The following ARMH4 variants were observed in gnomAD, a reference collection of about 807,000 sequenced individuals.
The protein encoded by ARMH4 is armadillo like helical domain containing 4.
A neutral mutation model predicts 61.9 loss-of-function variants in ARMH4; 49 were observed. The observed-to-expected ratio is 0.79, with a 90% CI of 0.63 to 1.00. The LOEUF is 1.00. Among genes scored for constraint, ARMH4 ranks in the 50% least tolerant of loss-of-function variants. The probability of loss-of-function intolerance (pLI) is 0.00; values close to 1 mark genes in which losing one functional copy is unlikely to be tolerated. For missense variants in ARMH4, 934 were observed against 930.0 expected (o/e 1.00, Z -0.06); for synonymous variants, 368 against 341.5 (o/e 1.08, Z -0.85).
At chr14:58,122,735 G>T (rs761233813) in intron 4 of ARMH4, among the ~76,000 whole-genome samples, 4 of 152,122 alleles carry the variant, frequency 2.6e-5, no homozygotes, top group Non-Finnish European at 4.4e-5. Context: ...CTTCCAGTGC[G>T]GTCTACCAGG....
At position 58,096,947 on chromosome 14, in the gene ARMH4, TTCTTCATCC is replaced by T. The variant is rs755924926; in HGVS notation, c.1857_1865del (p.Glu622_Glu624del). 7.4e-6 allele frequency: 12 copies of T among 1,613,666 alleles called. No individual in the cohort carries two copies. Among genetic ancestry groups the T allele is most frequent in the Non-Finnish European group, 1.0e-5 (12 of 1,179,722 alleles). ...CATCTTCCTCTTCTTCATCTTCATCTTCTTCATCCTCTTCATCCTCATCTTCTTGTCCCT... is the reference window on the plus strand; with the variant it reads ...CATCTTCCTCTTCTTCATCTTCATCTTCTTCATCCTCATCTTCTTGTCCCT... On this transcript the variant is annotated inframe_deletion, in exon 5 of 8. Coordinates refer to ENST00000267485, the MANE Select transcript of ARMH4 (RefSeq NM_001001872.4).
intron 5 of ARMH4, among the ~76,000 whole-genome samples, chr14:58,077,551 G>A (rs1040663108): frequency 1.2e-4 from 18 of 152,210 alleles, no homozygotes; most frequent in Admixed American, 9.8e-4. Context: ...AGGTTGTAAT[G>A]AGATGTGTTT....
chr14:58,132,963 G>A (rs1020428352), intron 3 of ARMH4, 127 bp downstream of exon 3: 1 of 916,232 alleles, frequency 1.1e-6, no homozygotes, highest in African/African-American at 1.7e-5. Flanking sequence ...AAAGGTGTGT[G>A]TGTGTGTGTA....
intron 5 of ARMH4, among the ~76,000 whole-genome samples, chr14:58,081,212 G>A (rs962823263): frequency 9.9e-5 from 15 of 152,024 alleles, no homozygotes; most frequent in African/African-American, 1.9e-4. Context: ...CCCTCAAAGC[G>A]TGATCCACAA....
Position 58,023,826 on chromosome 14 carries a change from C to T in ARMH4, c.2090-11676G>A, listed in dbSNP as rs1198708732. On this transcript the variant is annotated intron_variant, in intron 5 of 7. Coordinates refer to ENST00000267485, the MANE Select transcript of ARMH4 (RefSeq NM_001001872.4). The stretch of plus-strand genomic sequence containing the variant: ...TAGTAGGCATAAAAACAACATTAAT[C>T]TCCTTGTACATCTCCATCAGAGTTC... Among the ~76,000 whole-genome samples, 3 of 152,304 alleles carry T rather than the reference C, an allele frequency of 2.0e-5. No homozygotes were observed. The South Asian group carries it at 6.2e-4, about 32-fold the overall frequency.
chr14:58,027,704 T>C (rs1269231687), intron 5 of ARMH4, among the ~76,000 whole-genome samples: 1 of 152,178 alleles, frequency 6.6e-6, no homozygotes, highest in East Asian at 1.9e-4. Flanking sequence ...ATGTTAAGTG[T>C]TCCTACAACA....
intron 6 of ARMH4, 121 bp from the exon 7 acceptor site, chr14:58,005,303 T>A: frequency 7.7e-7 from 1 of 1,306,944 alleles, no homozygotes; most frequent in Non-Finnish European, 1.0e-6. Flanking sequence ...TGCTTTGTTG[T>A]AAGATAAAAC....
intron 4 of ARMH4, among the ~76,000 whole-genome samples, chr14:58,112,904 A>G (rs1231932436): frequency 6.6e-6 from 1 of 151,926 alleles, no homozygotes; most frequent in Admixed American, 6.6e-5. Context: ...TTAAATCTGG[A>G]TCTTCAGATT....
intron 5 of ARMH4, among the ~76,000 whole-genome samples, chr14:58,087,415 G>C (rs1334101924): frequency 6.6e-6 from 1 of 152,092 alleles, no homozygotes; most frequent in Middle Eastern, 3.2e-3. Flanking sequence ...TGAGTGCTCT[G>C]GACATACTAA....
At chr14:58,069,649 C>T (rs181946826) in intron 5 of ARMH4, among the ~76,000 whole-genome samples, 27 of 152,046 alleles carry the variant, frequency 1.8e-4, no homozygotes, top group Admixed American at 6.5e-4. Context: ...AGTATGCAGA[C>T]GGCAAGAGAA....
intron 4 of ARMH4, among the ~76,000 whole-genome samples, chr14:58,098,156 T>C (rs11622898): frequency 0.014 from 2,187 of 152,296 alleles, 22 homozygotes; most frequent in South Asian, 0.022. Context: ...CCAAGAATTG[T>C]GAGACTCTCC....
chr14:58,068,083 G>C (rs929074926), intron 5 of ARMH4, among the ~76,000 whole-genome samples: 1 of 152,184 alleles, frequency 6.6e-6, no homozygotes, highest in Non-Finnish European at 1.5e-5. Context: ...GGAAGCAAGA[G>C]TGTGAGTTAA....
chr14:58,005,294 G>A, intron 6 of ARMH4, 112 bp from the exon 7 acceptor site: 1 of 1,362,926 alleles, frequency 7.3e-7, no homozygotes, highest in South Asian at 1.3e-5. Context: ...TCTCCTGTCT[G>A]CTTTGTTGTA....
intron 5 of ARMH4, among the ~76,000 whole-genome samples, chr14:58,070,739 A>T (rs959864553): frequency 7.9e-5 from 12 of 152,224 alleles, no homozygotes; most frequent in Non-Finnish European, 1.5e-4. Flanking sequence ...AAGCTATTTT[A>T]AAATGTACGA....
chr14:58,146,572 A>G (rs768338254), intron 1 of ARMH4, among the ~76,000 whole-genome samples: 2 of 152,214 alleles, frequency 1.3e-5, no homozygotes, highest in East Asian at 1.9e-4. Context: ...TTCTGCCACC[A>G]GTGAGCAAGA....
In ARMH4 at chr14:58,096,828, G is replaced by A; in HGVS notation, c.1985C>T (p.Thr662Ile). The A allele has an allele frequency of 1.2e-6, 2 of 1,614,134 alleles. No individual in the cohort carries two copies. The highest frequency in any genetic ancestry group is 1.6e-4 in the Middle Eastern group (1 of 6,062). ...ELPGFTLPGI[T>I]SQEPGLEEGN... is the part of the protein sequence containing the mutation. Reference sequence around the variant, plus strand: ...CTCCTCTAAGCCTGGTTCCTGGGATGTGATACCAGGGAGGGTAAAACCTGG... The same window carrying A: ...CTCCTCTAAGCCTGGTTCCTGGGATATGATACCAGGGAGGGTAAAACCTGG... The change falls in exon 5 of 8, where the codon ACA becomes ATA. Residue 662 changes from threonine to isoleucine, a missense_variant. By Grantham distance (89) the Thr-to-Ile change is moderately conservative (BLOSUM62 -1). Transcript: ENST00000267485.
chr14:58,139,513 T>G, intron 1 of ARMH4, 99 bp from the exon 2 acceptor site: 1 of 695,926 alleles, frequency 1.4e-6, no homozygotes, highest in Admixed American at 2.7e-5. Flanking sequence ...CTTGACTTTA[T>G]AATACACAGA....
rs774461518 is a variant in ARMH4 at position 58,138,393 on chromosome 14, TAC to T, written c.964_965del (p.Val322LysfsTer12). On this transcript the variant is annotated frameshift_variant, in exon 2 of 8. Transcript: ENST00000267485. LOFTEE classifies it high-confidence loss of function. The stretch of plus-strand genomic sequence containing the variant: ...CAAGCTTGGGGGTCCTTATCCGGCT[TAC>T]ACTCTCTAATTTGGTGTCATCCCAC... ...DEWDDTKLESVSRIRTPKLGD... is the reference protein window; with the variant it reads ...DEWDDTKLESXSRIRTPKLGD... 2 of 1,614,222 alleles carry T rather than the reference TAC, an allele frequency of 1.2e-6. No homozygotes were observed.
At chr14:58,029,986 C>T (rs186423193) in intron 5 of ARMH4, among the ~76,000 whole-genome samples, 54 of 152,158 alleles carry the variant, frequency 3.5e-4, no homozygotes, top group Admixed American at 2.8e-3. Context: ...AAACAAAATG[C>T]GGTATAGACA....
Sources: allele counts gnomAD v4.1 joint callset (sites outside exome capture counted in the v4.1 genomes callset), GRCh38; gene constraint gnomAD v4.1.1; transcripts MANE v1.5; gene names NCBI Gene and HGNC (gene_info 2026-07-23, HGNC 2026-07-21).